Variants in XPNPEP3 observed in about 807,000 individuals in gnomAD.
XPNPEP3 encodes X-prolyl aminopeptidase 3.
A neutral mutation model predicts 60.0 loss-of-function variants in XPNPEP3; 41 were observed. The observed-to-expected ratio is 0.68, with a 90% CI of 0.53 to 0.89. XPNPEP3 has a LOEUF of 0.89. Ranked by LOEUF, XPNPEP3 falls within the 40% of genes least tolerant of loss-of-function variation. XPNPEP3 has a pLI of 0.00. For synonymous variants in XPNPEP3, 212 were observed against 223.2 expected (o/e 0.95, Z 0.45); for missense variants, 598 against 638.9 (o/e 0.94, Z 0.69).
intron 4 of XPNPEP3, among the ~76,000 whole-genome samples, chr22:40,889,633 C>T (rs2058081726): frequency 6.6e-6 from 1 of 152,138 alleles, no homozygotes; most frequent in African/African-American, 2.4e-5. Context: ...TAGAGACCAG[C>T]CTGGCAACAT....
chr22:40,889,616 G>A (rs1020472824), intron 4 of XPNPEP3, among the ~76,000 whole-genome samples: 7 of 152,134 alleles, frequency 4.6e-5, no homozygotes, highest in Non-Finnish European at 7.3e-5. Context: ...GTGAGGCAGC[G>A]AGGAGTTAGA....
chr22:40,924,933 A>G (rs1036383814), intron 9 of XPNPEP3, among the ~76,000 whole-genome samples: 1 of 152,232 alleles, frequency 6.6e-6, no homozygotes, highest in African/African-American at 2.4e-5. Context: ...CTTATTTAAT[A>G]TCACACAATT....
chr22:40,867,125 C>T lies in XPNPEP3; in HGVS notation c.65-1874C>T, dbSNP rs540912518. On this transcript the variant is annotated intron_variant, in intron 1 of 9. Transcript: ENST00000357137. Reference sequence around the variant, plus strand: ...TAGGAAGGTAAGATAGCTTTGAAGGCTTTGTATTCTAAATTAAGGAGTTAG... The same window carrying T: ...TAGGAAGGTAAGATAGCTTTGAAGGTTTTGTATTCTAAATTAAGGAGTTAG... Among the ~76,000 whole-genome samples, 425 of 152,240 alleles carry T rather than the reference C, an allele frequency of 2.8e-3. 5 individuals are homozygous for T. Among genetic ancestry groups the T allele is most frequent in the Middle Eastern group, 6.8e-3 (2 of 294 alleles).
chr22:40,863,130 A>C (rs2057960598), intron 1 of XPNPEP3, among the ~76,000 whole-genome samples: 1 of 152,172 alleles, frequency 6.6e-6, no homozygotes, highest in African/African-American at 2.4e-5. Flanking sequence ...GCTAGCACTT[A>C]TTTCAAGTAC....
intron 7 of XPNPEP3, among the ~76,000 whole-genome samples, chr22:40,920,536 T>G (rs1016532092): frequency 6.7e-6 from 1 of 148,632 alleles, no homozygotes; most frequent in Non-Finnish European, 1.5e-5. Flanking sequence ...CCAAAGCAGT[T>G]GTGGCATTTG....
intron 4 of XPNPEP3, among the ~76,000 whole-genome samples, chr22:40,901,127 A>T (rs1010059853): frequency 6.6e-6 from 1 of 152,042 alleles, no homozygotes; most frequent in African/African-American, 2.4e-5. Flanking sequence ...AAAAAACTTT[A>T]AAAAATTGTT....
intron 4 of XPNPEP3, among the ~76,000 whole-genome samples, 181 bp downstream of exon 4, chr22:40,886,696 G>A (rs1307945243): frequency 6.6e-6 from 1 of 151,626 alleles, no homozygotes; most frequent in East Asian, 1.9e-4. Flanking sequence ...GCATGGTGGC[G>A]GGCTCCTGTA....
intron 7 of XPNPEP3, among the ~76,000 whole-genome samples, chr22:40,921,321 T>C (rs2146279986): frequency 6.6e-6 from 1 of 152,214 alleles, no homozygotes; most frequent in East Asian, 1.9e-4. Context: ...TAGGAGTTCA[T>C]TGTTCCCAGC....
chr22:40,895,455 C>T (rs1252215619), intron 4 of XPNPEP3, among the ~76,000 whole-genome samples: 2 of 151,906 alleles, frequency 1.3e-5, no homozygotes, highest in South Asian at 2.1e-4. Context: ...CTGCCTCAGC[C>T]TCCCAAGTAG....
intron 1 of XPNPEP3, chr22:40,862,461 T>G: frequency 4.1e-6 from 4 of 986,544 alleles, no homozygotes; most frequent in Non-Finnish European, 4.8e-6. Flanking sequence ...AGTACTGACT[T>G]ACGGGTGAAG....
chr22:40,901,782 T>A (rs553082716), intron 4 of XPNPEP3, among the ~76,000 whole-genome samples: 1 of 152,122 alleles, frequency 6.6e-6, no homozygotes, highest in Non-Finnish European at 1.5e-5. Flanking sequence ...TCCATTTATA[T>A]GAAATATGCG....
chr22:40,874,679 G>GC lies in XPNPEP3; in HGVS notation c.181+5570dup, dbSNP rs1185738624. The stretch of plus-strand genomic sequence containing the variant: ...GGACTCAAGCAATTCTACCACCTTG[G>GC]CCCCCCAAAGTGCTGGAATTATAGG... On this transcript the variant is annotated intron_variant, in intron 2 of 9. Coordinates refer to ENST00000357137, the MANE Select transcript of XPNPEP3 (RefSeq NM_022098.4). Among the ~76,000 whole-genome samples, 8 of 152,118 alleles carry GC rather than the reference G, an allele frequency of 5.3e-5. No individual in the cohort carries two copies. In the South Asian group the frequency reaches 6.2e-4, roughly 12 times the overall value.
chr22:40,882,350 A>G (rs542641248), intron 3 of XPNPEP3, among the ~76,000 whole-genome samples, 173 bp downstream of exon 3: 1 of 152,160 alleles, frequency 6.6e-6, no homozygotes, highest in African/African-American at 2.4e-5. Flanking sequence ...TAAAGATTTC[A>G]TTTATGCCTG....
intron 6 of XPNPEP3, among the ~76,000 whole-genome samples, chr22:40,911,925 C>G (rs753251175): frequency 1.3e-5 from 2 of 152,150 alleles, no homozygotes; most frequent in Non-Finnish European, 2.9e-5. Flanking sequence ...CATTCTCTTA[C>G]TAGTGTACAC....
chr22:40,907,993 C>A (rs559720347), intron 5 of XPNPEP3, among the ~76,000 whole-genome samples: 18 of 152,252 alleles, frequency 1.2e-4, no homozygotes, highest in African/African-American at 4.3e-4. Context: ...GCGGGCAGAT[C>A]ACTTCAGGCC....
chr22:40,900,926 C>T (rs1398946664), intron 4 of XPNPEP3, among the ~76,000 whole-genome samples: 1 of 151,816 alleles, frequency 6.6e-6, no homozygotes, highest in Non-Finnish European at 1.5e-5. Context: ...GAGTGAGACC[C>T]TGTCTCAAAA....
intron 8 of XPNPEP3, 25 bp from the exon 9 acceptor site, chr22:40,924,337 A>T: frequency 6.2e-7 from 1 of 1,614,002 alleles, no homozygotes; most frequent in Non-Finnish European, 8.5e-7. Flanking sequence ...TGCTCTAATG[A>T]TACTGTGACA....
chr22:40,887,172 G>A (rs999590253), intron 4 of XPNPEP3, among the ~76,000 whole-genome samples: 3 of 152,182 alleles, frequency 2.0e-5, no homozygotes, highest in Non-Finnish European at 4.4e-5. Context: ...AATGCTTACA[G>A]ATCTGCAGTT....
At chr22:40,898,403 G>C (rs947581369) in intron 4 of XPNPEP3, among the ~76,000 whole-genome samples, 1 of 139,830 alleles carries the variant, frequency 7.2e-6, no homozygotes, top group African/African-American at 3.1e-5. Flanking sequence ...ACAGGCGCCC[G>C]CCACCGCGCC....
Sources: allele counts gnomAD v4.1 joint callset (sites outside exome capture counted in the v4.1 genomes callset), GRCh38; gene constraint gnomAD v4.1.1; transcripts MANE v1.5; gene names NCBI Gene and HGNC (gene_info 2026-07-23, HGNC 2026-07-21).